MARCHF1: variants seen among roughly 807,000 people sequenced by gnomAD.
MARCHF1 encodes membrane associated ring-CH-type finger 1, also known as E3 ubiquitin-protein ligase MARCHF1.
Under a neutral mutation model 54.2 loss-of-function variants are expected in MARCHF1, and 40 were observed. The observed-to-expected ratio is 0.74, with a 90% CI of 0.57 to 0.96. MARCHF1 has a LOEUF of 0.96. MARCHF1 is among the 40% of genes least tolerant of loss of function. The pLI is 0.00. For missense variants in MARCHF1, 586 were observed against 656.5 expected, an observed-to-expected ratio of 0.89 and a Z score of 1.17; for synonymous variants, 236 against 236.3, an observed-to-expected ratio of 1.00 and a Z score of 0.01.
At chr4:164,347,243 C>T (rs1561011780) in intron 1 of MARCHF1, among the ~76,000 whole-genome samples, 1 of 152,250 alleles carries the variant, frequency 6.6e-6, no homozygotes, top group East Asian at 1.9e-4. Context: ...TTTGAATATC[C>T]TTATTTTTAT....
chr4:163,685,815 C>G (rs1243002171), intron 5 of MARCHF1, among the ~76,000 whole-genome samples: 1 of 152,158 alleles, frequency 6.6e-6, no homozygotes, highest in East Asian at 1.9e-4. Flanking sequence ...CCTACATAAT[C>G]TGTGATGCCA....
intron 3 of MARCHF1, among the ~76,000 whole-genome samples, chr4:163,880,343 A>C (rs945362339): frequency 6.6e-6 from 1 of 151,232 alleles, no homozygotes; most frequent in African/African-American, 2.4e-5. Flanking sequence ...TTTCCTTTCA[A>C]ATTTTGATAT....
intron 1 of MARCHF1, among the ~76,000 whole-genome samples, chr4:164,137,425 T>C (rs1167525630): frequency 6.6e-6 from 1 of 152,166 alleles, no homozygotes; most frequent in African/African-American, 2.4e-5. Flanking sequence ...GATGATAAAA[T>C]GTATGGTAAC....
rs955360639 is a variant in MARCHF1 at position 163,525,934 on chromosome 4, T to C, written c.*2814A>G. 2.0e-5 allele frequency: 3 copies of C among 152,154 alleles called. No homozygotes were observed. Among genetic ancestry groups the C allele is most frequent in the Non-Finnish European group, 4.4e-5 (3 of 67,982 alleles). 9.4% of individuals were successfully genotyped at this position (152,154 alleles called of 1,614,324 possible). On this transcript the variant is annotated 3_prime_UTR_variant, in exon 10 of 10. Coordinates refer to ENST00000514618, the MANE Select transcript of MARCHF1 (RefSeq NM_001394959.1). ...ATTAGATTTTAAATGCAGGTAGTTA[T>C]TTCAGATGTTTGAACCATAAACAAA...
At chr4:163,599,116 C>T (rs1284930290) in intron 7 of MARCHF1, among the ~76,000 whole-genome samples, 17 of 151,852 alleles carry the variant, frequency 1.1e-4, no homozygotes, top group Admixed American at 9.2e-4. Context: ...GACGAAACCC[C>T]GTCTCTACTA....
intron 4 of MARCHF1, among the ~76,000 whole-genome samples, chr4:163,819,550 T>A (rs1748634660): frequency 6.6e-6 from 1 of 152,030 alleles, no homozygotes. Context: ...ACTCTCCAAT[T>A]CACCACAACC....
At position 164,176,980 on chromosome 4, in the gene MARCHF1, C is replaced by CTCTA. The variant is rs1466683245; in HGVS notation, c.-322-65319_-322-65318insTAGA. On this transcript the variant is annotated intron_variant, in intron 1 of 9. Transcript: ENST00000514618. ...TCTCTCTCTCTCTCTCTCTCTCTCT[C>CTCTA]TATATATATATATATATATATATAT... 4.4e-4 allele frequency among the ~76,000 whole-genome samples: 26 copies of CTCTA among 58,910 alleles called. 1 individual carries two copies. The East Asian group carries it at 5.6e-3, about 13-fold the overall frequency. 38.6% of individuals were successfully genotyped at this position (58,910 alleles called of 152,430 possible). A position where few individuals can be genotyped will look rare whatever the true frequency, so the allele number is the denominator to read the frequency against.
intron 2 of MARCHF1, among the ~76,000 whole-genome samples, chr4:163,990,978 T>C (rs1160323869): frequency 6.6e-6 from 1 of 152,214 alleles, no homozygotes; most frequent in African/African-American, 2.4e-5. Context: ...GTCTTAATCC[T>C]TTACCTCATT....
At chr4:164,243,515 A>G (rs1732842008) in intron 1 of MARCHF1, among the ~76,000 whole-genome samples, 1 of 152,170 alleles carries the variant, frequency 6.6e-6, no homozygotes, top group Non-Finnish European at 1.5e-5. Context: ...GCCAAAATGT[A>G]AAGACCATCG....
chr4:164,223,426 A>C (rs2321567), intron 1 of MARCHF1, among the ~76,000 whole-genome samples: 141,518 of 151,946 alleles, frequency 0.93, 65,954 homozygotes, highest in African/African-American at 0.96. Context: ...TTTTTTCAAC[A>C]AGGAATTTGA....
At chr4:163,830,869 G>A (rs988180551) in intron 4 of MARCHF1, among the ~76,000 whole-genome samples, 2 of 152,172 alleles carry the variant, frequency 1.3e-5, no homozygotes, top group Non-Finnish European at 2.9e-5. Flanking sequence ...TCTTTCTCTT[G>A]CTGTGTGGCA....
intron 1 of MARCHF1, among the ~76,000 whole-genome samples, chr4:164,296,073 A>G (rs1236279748): frequency 1.3e-5 from 2 of 152,178 alleles, no homozygotes; most frequent in East Asian, 3.9e-4. Flanking sequence ...TTCTGTATAG[A>G]TTCTCAATAA....
At chr4:164,291,878 C>G (rs1413381014) in intron 1 of MARCHF1, among the ~76,000 whole-genome samples, 1 of 151,996 alleles carries the variant, frequency 6.6e-6, no homozygotes, top group Non-Finnish European at 1.5e-5. Context: ...CTCAGAGGTG[C>G]TTTTGAAGTG....
chr4:164,323,640 G>T lies in MARCHF1; in HGVS notation c.-323+60230C>A, dbSNP rs1005059964. ...AAAAAAAAAGCAGCATGAGTACTGA[G>T]AACAGGGACACATCATTTATAGAAG... On this transcript the variant is annotated intron_variant, in intron 1 of 9. Coordinates refer to ENST00000514618, the MANE Select transcript of MARCHF1 (RefSeq NM_001394959.1). Among the ~76,000 whole-genome samples the T allele has an allele frequency of 7.5e-5, 9 of 119,940 alleles. No individual in the cohort carries two copies. In the Admixed American group the frequency reaches 8.2e-4, roughly 11 times the overall value. 78.7% of individuals were successfully genotyped at this position (119,940 alleles called of 152,430 possible).
intron 4 of MARCHF1, among the ~76,000 whole-genome samples, chr4:163,746,455 G>T (rs1380518085): frequency 6.6e-6 from 1 of 152,130 alleles, no homozygotes; most frequent in Non-Finnish European, 1.5e-5. Flanking sequence ...TATGCATAAA[G>T]CTGACACAAA....
chr4:164,359,592 A>G (rs1311730063), intron 1 of MARCHF1, among the ~76,000 whole-genome samples: 1 of 152,186 alleles, frequency 6.6e-6, no homozygotes, highest in East Asian at 1.9e-4. Context: ...ATCAACTACA[A>G]CAGAATATTC....
intron 1 of MARCHF1, among the ~76,000 whole-genome samples, chr4:164,199,665 CACACACACACACACACAGAGAG>C (rs1438981559): frequency 1.4e-3 from 117 of 84,044 alleles, no homozygotes; most frequent in African/African-American, 2.0e-3. Context: ...CACACACACA[CACACACACACACACACAGAGAG>C]AGAGAGAGAG....
chr4:163,951,264 G>A (rs767120324), intron 3 of MARCHF1, among the ~76,000 whole-genome samples: 29 of 152,098 alleles, frequency 1.9e-4, no homozygotes, highest in Admixed American at 1.0e-3. Context: ...CAAAATTCCT[G>A]GCTCTTTTTT....
At chr4:163,720,993 C>T (rs907036862) in intron 4 of MARCHF1, among the ~76,000 whole-genome samples, 2 of 152,132 alleles carry the variant, frequency 1.3e-5, no homozygotes, top group African/African-American at 4.8e-5. Flanking sequence ...ATTTGACTTC[C>T]TCTTTTCCTA....
Sources: gnomAD v4.1 joint callset for allele counts (sites outside exome capture counted in the v4.1 genomes callset) on GRCh38, gnomAD v4.1.1 for gene constraint, MANE v1.5 for transcripts, NCBI Gene and HGNC (gene_info 2026-07-23, HGNC 2026-07-21) for gene names.